The following SPATA13 variants were observed in gnomAD, a reference collection of about 807,000 sequenced individuals.
SPATA13 encodes spermatogenesis associated 13.
Under a neutral mutation model 104.0 loss-of-function variants are expected in SPATA13, and 50 were observed. The ratio of observed to expected loss-of-function variants is 0.48; its 90% CI spans 0.38 to 0.61. The LOEUF (loss-of-function observed/expected upper bound fraction) is 0.61, where lower values mean the gene tolerates loss of function less well. SPATA13 is among the 20% of genes least tolerant of loss of function. The pLI is 0.00. For synonymous variants in SPATA13, 606 were observed against 667.5 expected, an observed-to-expected ratio of 0.91 and a Z score of 1.42; for missense variants, 1,524 against 1,690.6, an observed-to-expected ratio of 0.90 and a Z score of 1.73.
intron 3 of SPATA13, among the ~76,000 whole-genome samples, chr13:24,093,032 A>C (rs2137793141): frequency 6.6e-6 from 1 of 152,362 alleles, no homozygotes; most frequent in Middle Eastern, 3.4e-3. Context: ...GCATCCTGGT[A>C]AAACAATGGG....
At chr13:24,060,235 A>G (rs1249509924) in intron 3 of SPATA13, among the ~76,000 whole-genome samples, 1 of 152,202 alleles carries the variant, frequency 6.6e-6, no homozygotes, top group Non-Finnish European at 1.5e-5. Flanking sequence ...AAAAACAGGC[A>G]CACAGGCCAG....
chr13:24,249,798 T>C lies in SPATA13; in HGVS notation c.1975T>C (p.Tyr659His), dbSNP rs1252983159. ...PISVIGGVSL[Y>H]GTNQTEELDN... Reference sequence around the variant, plus strand: ...TTCCGTGATAGGTGGGGTCAGCTTGTATGGGACCAACCAGACGGAGGAACT... The same window carrying C: ...TTCCGTGATAGGTGGGGTCAGCTTGCATGGGACCAACCAGACGGAGGAACT... The change falls in exon 3 of 13, where the codon TAT (tyrosine) becomes CAT (histidine). Residue 659 changes from tyrosine (Y) to histidine (H), a missense_variant. Coordinates refer to ENST00000382108, the MANE Select transcript of SPATA13 (RefSeq NM_001166271.3). 2 of 1,613,204 alleles carry C rather than the reference T, an allele frequency of 1.2e-6. No individual in the cohort carries two copies. The highest frequency in any genetic ancestry group is 2.2e-5 in the East Asian group (1 of 44,898).
At chr13:24,164,241 G>A (rs1882628661) in intron 1 of SPATA13, among the ~76,000 whole-genome samples, 1 of 152,190 alleles carries the variant, frequency 6.6e-6, no homozygotes, top group African/African-American at 2.4e-5. Context: ...AGCAGTAAAG[G>A]GGGAGCATAG....
chr13:24,300,461 A>C lies in SPATA13; in HGVS notation c.3644A>C (p.His1215Pro), dbSNP rs776903993. 6.2e-7 allele frequency: 1 copy of C among 1,614,176 alleles called. No individual in the cohort carries two copies. Among genetic ancestry groups the C allele is most frequent in the South Asian group, 1.1e-5 (1 of 91,080 alleles). The change falls in exon 12 of 13, where the codon CAT becomes CCT. Residue 1215 changes from histidine (H) to proline (P), a missense_variant. His to Pro is a moderately conservative substitution (Grantham distance 77). Transcript: ENST00000382108. ...LAMLNAQKAG[H>P]GKSKGYNRCP... The stretch of plus-strand genomic sequence containing the variant: ...ATGTTAAATGCTCAAAAGGCAGGAC[A>C]TGGAAAGTCAAAAGGTAAGTTATGG...
intron 1 of SPATA13, among the ~76,000 whole-genome samples, chr13:23,983,269 C>G (rs1874986501): frequency 6.6e-6 from 1 of 152,178 alleles, no homozygotes; most frequent in African/African-American, 2.4e-5. Flanking sequence ...GGCTCACAAA[C>G]AACTGCCTTC....
intron 1 of SPATA13, among the ~76,000 whole-genome samples, chr13:24,204,605 T>TC (rs1353557169): frequency 6.6e-6 from 1 of 152,156 alleles, no homozygotes; most frequent in Non-Finnish European, 1.5e-5. Flanking sequence ...CTCCCATTTC[T>TC]CCTCCTCCTC....
chr13:23,997,674 G>A lies in SPATA13; in HGVS notation c.-147+13741G>A, dbSNP rs920007371. ...TCTGCTTCTGTTGAGGCCTCAGGAA[G>A]CTTCTAATTACAGTGGAAGGTGAAG... On this transcript the variant is annotated intron_variant, in intron 2 of 14. Coordinates refer to the SPATA13 transcript ENST00000424834. Among the ~76,000 whole-genome samples the A allele has an allele frequency of 2.0e-5, 3 of 152,284 alleles. No individual in the cohort carries two copies. The South Asian group carries it at 6.2e-4, about 32-fold the overall frequency.
chr13:24,145,970 G>A (rs1881916429), intron 3 of SPATA13, among the ~76,000 whole-genome samples: 1 of 152,190 alleles, frequency 6.6e-6, no homozygotes, highest in Admixed American at 6.5e-5. Context: ...ATAGACTGCG[G>A]GGGCCAATCT....
chr13:24,215,211 G>A (rs959395558), intron 1 of SPATA13, among the ~76,000 whole-genome samples: 19 of 152,240 alleles, frequency 1.2e-4, no homozygotes, highest in African/African-American at 4.3e-4. Flanking sequence ...TCACATGACT[G>A]TCGTGCATGT....
chr13:24,057,657 A>G (rs9511023), intron 3 of SPATA13, among the ~76,000 whole-genome samples: 98,360 of 151,646 alleles, frequency 0.65, 33,677 homozygotes, highest in Non-Finnish European at 0.75. Flanking sequence ...CAACCGTCAT[A>G]AGAAATGTTA....
chr13:24,003,874 A>G lies in SPATA13; in HGVS notation c.-146-13793A>G, dbSNP rs7337736. ...CGTGGGAAAAAACACAATATACATC[A>G]GCAAATACAGAACCCATTAAACAAG... On this transcript the variant is annotated intron_variant, in intron 2 of 14. Coordinates refer to the SPATA13 transcript ENST00000424834. Among the ~76,000 whole-genome samples, 980 of 152,358 alleles carry G rather than the reference A, an allele frequency of 6.4e-3. 8 individuals are homozygous for G. Among genetic ancestry groups the G allele is most frequent in the African/African-American group, 0.022 (916 of 41,576 alleles).
In SPATA13 at chr13:24,056,294, G is replaced by A. The variant is rs561668256; in HGVS notation, c.-112+38593G>A. ...TATATGTCCACCTTCAAGTGCATTAGGACCCATTTAGAGATGCTTTGGAAG... is the reference window on the plus strand; with the variant it reads ...TATATGTCCACCTTCAAGTGCATTAAGACCCATTTAGAGATGCTTTGGAAG... On this transcript the variant is annotated intron_variant, in intron 3 of 14. Transcript: ENST00000424834. Among the ~76,000 whole-genome samples, 6 of 152,316 alleles carry A rather than the reference G, an allele frequency of 3.9e-5. No homozygotes were observed. The East Asian group carries it at 9.6e-4, about 24-fold the overall frequency.
chr13:24,081,789 C>T (rs538990071), intron 3 of SPATA13, among the ~76,000 whole-genome samples: 12 of 152,232 alleles, frequency 7.9e-5, no homozygotes, highest in Admixed American at 1.3e-4. Flanking sequence ...ATTCCCCTGT[C>T]GGCTTCACAG....
intron 1 of SPATA13, among the ~76,000 whole-genome samples, chr13:24,209,523 G>T (rs1320786664): frequency 6.6e-6 from 1 of 152,152 alleles, no homozygotes; most frequent in Non-Finnish European, 1.5e-5. Flanking sequence ...TGTGGTATTT[G>T]TCTCTCTGTG....
At chr13:24,285,961 G>A (rs577270267) in intron 5 of SPATA13, among the ~76,000 whole-genome samples, 1 of 152,296 alleles carries the variant, frequency 6.6e-6, no homozygotes, top group Non-Finnish European at 1.5e-5. Context: ...GATTACAGGT[G>A]TGAGTCACCA....
At chr13:24,290,207 G>A (rs188176470) in intron 8 of SPATA13, among the ~76,000 whole-genome samples, 1 of 152,210 alleles carries the variant, frequency 6.6e-6, no homozygotes, top group Admixed American at 6.5e-5. Flanking sequence ...GGGAAGAGAG[G>A]TATGTTGAAA....
At chr13:24,212,866 C>T (rs1422123708) in intron 1 of SPATA13, among the ~76,000 whole-genome samples, 2 of 152,218 alleles carry the variant, frequency 1.3e-5, no homozygotes, top group Admixed American at 1.3e-4. Flanking sequence ...AAGTTGCTGC[C>T]GTTGGGAGAA....
At chr13:24,197,026 C>A (rs9318387) in intron 1 of SPATA13, among the ~76,000 whole-genome samples, 66,762 of 151,896 alleles carry the variant, frequency 0.44, 16,500 homozygotes, top group Non-Finnish European at 0.56. Context: ...ATCTTAACTT[C>A]GTGATAAAAG....
At chr13:24,003,663 C>A (rs1229787990) in intron 2 of SPATA13, among the ~76,000 whole-genome samples, 2 of 152,120 alleles carry the variant, frequency 1.3e-5, no homozygotes, top group Non-Finnish European at 2.9e-5. Context: ...GCATTTCAAG[C>A]AATTTTAGAT....
Sources: allele counts gnomAD v4.1 joint callset (sites outside exome capture counted in the v4.1 genomes callset), GRCh38; gene constraint gnomAD v4.1.1; transcripts MANE v1.5; gene names NCBI Gene and HGNC (gene_info 2026-07-23, HGNC 2026-07-21).